Variants in PLEKHG5 observed in about 807,000 individuals in gnomAD.
PLEKHG5 encodes the protein pleckstrin homology and RhoGEF domain containing G5, also known as pleckstrin homology domain-containing family G member 5.
A neutral mutation model predicts 103.8 loss-of-function variants in PLEKHG5; 52 were observed. The ratio of observed to expected loss-of-function variants is 0.50; its 90% CI spans 0.40 to 0.63. PLEKHG5 has a LOEUF of 0.63. Among genes scored for constraint, PLEKHG5 ranks in the 30% least tolerant of loss-of-function variants. The pLI, the probability that PLEKHG5 is intolerant of heterozygous loss-of-function variation, is 0.00. For synonymous variants in PLEKHG5, 592 were observed against 575.5 expected (o/e 1.03, Z -0.41); for missense variants, 1,205 against 1,347.6 (o/e 0.89, Z 1.66).
At chr1:6,504,268 T>G (rs1638237157) in intron 1 of PLEKHG5, among the ~76,000 whole-genome samples, 1 of 151,944 alleles carries the variant, frequency 6.6e-6, no homozygotes, top group African/African-American at 2.4e-5. Context: ...CAACATCAGC[T>G]GCCACACTCC....
At position 6,473,385 on chromosome 1, in the gene PLEKHG5, G is replaced by A. The variant is rs1223323722; in HGVS notation, c.661C>T (p.Pro221Ser). The change falls in exon 8 of 21, where the codon CCC becomes TCC. Residue 221 changes from proline (P) to serine (S), a missense_variant. Pro to Ser is a moderately conservative substitution (Grantham distance 74). Coordinates refer to ENST00000377728, the MANE Select transcript of PLEKHG5 (RefSeq NM_020631.6). ...GEASIPGQEPPTPSSCSLPSG... is the reference protein window; with the variant it reads ...GEASIPGQEPSTPSSCSLPSG... ...GGCAGAGAGCAGCTGGAGGGCGTGG[G>A]GGGCTCCTGCCCGGGGATGCTCGCC... The A allele has an allele frequency of 1.9e-6, 3 of 1,547,358 alleles. No homozygotes were observed. The highest frequency in any genetic ancestry group is 2.6e-6 in the Non-Finnish European group (3 of 1,145,594).
intron 1 of PLEKHG5, among the ~76,000 whole-genome samples, chr1:6,483,637 C>T (rs977575484): frequency 6.6e-6 from 1 of 152,158 alleles, no homozygotes; most frequent in Non-Finnish European, 1.5e-5. Context: ...TGCACTCCAG[C>T]CTGGGCGACA....
intron 1 of PLEKHG5, chr1:6,485,452 G>A (rs1351589372): frequency 7.9e-7 from 1 of 1,261,582 alleles, no homozygotes; most frequent in African/African-American, 1.6e-5. Context: ...ATGGCGGCCG[G>A]AGGAAGCCGC....
At chr1:6,470,169 C>T (rs772046819) in intron 16 of PLEKHG5, 67 bp downstream of exon 16, 2 of 1,576,520 alleles carry the variant, frequency 1.3e-6, no homozygotes, top group Admixed American at 1.7e-5. Context: ...AGCTGAGAAC[C>T]AGTGACTGGG....
chr1:6,477,008 G>C, intron 2 of PLEKHG5, among the ~76,000 whole-genome samples: 1 of 152,266 alleles, frequency 6.6e-6, no homozygotes, highest in Non-Finnish European at 1.5e-5. Context: ...GAAAGGACTC[G>C]GGGGTTGGCA....
intron 1 of PLEKHG5, 54 bp from the exon 2 acceptor site, chr1:6,477,712 G>A (rs1644801254): frequency 3.1e-6 from 5 of 1,590,468 alleles, no homozygotes; most frequent in Admixed American, 1.7e-5. Flanking sequence ...CACATCCCTC[G>A]ACCCCGGCCC....
Position 6,469,143 on chromosome 1 carries a change from CTCCTCT to C in PLEKHG5, c.2142_2147del (p.Glu722_Glu723del), listed in dbSNP as rs1261434613. The C allele has an allele frequency of 6.9e-6, 11 of 1,603,220 alleles. No individual in the cohort carries two copies. The highest frequency in any genetic ancestry group is 8.5e-6 in the Non-Finnish European group (10 of 1,172,606). ...CGCCTTCCTCCTCCTCCTCCTCCTC[CTCCTCT>C]TCCTCCTCCTGCTCATCCTCCTCCT... On this transcript the variant is annotated inframe_deletion, in exon 19 of 21. Transcript: ENST00000377728.
chr1:6,497,204 A>G (rs1432335497), upstream of PLEKHG5: 3 of 864,288 alleles, frequency 3.5e-6, no homozygotes, highest in Non-Finnish European at 5.6e-6. The surrounding 1 kb of genome is among the most constrained non-coding windows in gnomAD (Gnocchi z 6.1). Context: ...AGCGGCCCGA[A>G]GCCCGGTCGG....
Position 6,468,181 on chromosome 1 carries a change from C to A in PLEKHG5, c.2655G>T (p.Leu885=). ...KSKSEASLLQ[L]LAGAGTHGTP... is the part of the protein sequence containing the mutation. ...TCCCATGGGTGCCAGCCCCTGCCAG[C>A]AGCTGGAGGAGGCTGGCCTCGGACT... Residue 885 remains leucine, a synonymous_variant, in exon 20 of 21, where the codon CTG becomes CTT. Transcript: ENST00000377728. The A allele has an allele frequency of 6.4e-7, 1 of 1,569,174 alleles. No individual in the cohort carries two copies. Among genetic ancestry groups the A allele is most frequent in the Non-Finnish European group, 8.7e-7 (1 of 1,155,846 alleles).
chr1:6,469,632 G>A lies in PLEKHG5; in HGVS notation c.1845C>T (p.Thr615=). The A allele has an allele frequency of 2.5e-6, 4 of 1,613,708 alleles. No individual in the cohort carries two copies. Among genetic ancestry groups the A allele is most frequent in the Non-Finnish European group, 3.4e-6 (4 of 1,180,010 alleles). Residue 615 remains threonine (T), a synonymous_variant, in exon 17 of 21, where the codon ACC becomes ACT. Coordinates refer to ENST00000377728, the MANE Select transcript of PLEKHG5 (RefSeq NM_020631.6). ...CFLFTDLLLV[T]KAVKKAERTR... is the part of the protein sequence containing the mutation. Reference sequence around the variant, plus strand: ...TCCTCTCTGCCTTCTTCACTGCTTTGGTCACCAACAGCAGATCCGTGAAGA... The same window carrying A: ...TCCTCTCTGCCTTCTTCACTGCTTTAGTCACCAACAGCAGATCCGTGAAGA...
chr1:6,480,883 C>T (rs1644881025), intron 1 of PLEKHG5, among the ~76,000 whole-genome samples: 1 of 152,030 alleles, frequency 6.6e-6, no homozygotes, highest in East Asian at 2.0e-4. Flanking sequence ...TCAACTGATC[C>T]GCCCGCCTCA....
At chr1:6,497,209 G>C (rs1020800010), upstream of PLEKHG5, 18 of 863,126 alleles carry the variant, frequency 2.1e-5, no homozygotes, top group Non-Finnish European at 2.6e-5. The surrounding 1 kb of genome is among the most constrained non-coding windows in gnomAD (Gnocchi z 6.1). Flanking sequence ...CCCGAAGCCC[G>C]GTCGGCGCCC....
Position 6,475,097 on chromosome 1 carries a change from A to G in PLEKHG5, c.252T>C (p.Asn84=). 6.2e-7 allele frequency: 1 copy of G among 1,612,260 alleles called. No homozygotes were observed. The highest frequency in any genetic ancestry group is 8.5e-7 in the Non-Finnish European group (1 of 1,178,432). The change falls in exon 5 of 21, where the codon AAT becomes AAC. Residue 84 remains asparagine (N), a synonymous_variant. Transcript: ENST00000377728. ...KECFTLKFDL[N]VDIETEIVPA... The stretch of plus-strand genomic sequence containing the variant: ...GGACGATCTCTGTCTCAATGTCCAC[A>G]TTCAGGTCAAATTTCAGAGTGAAGC...
At chr1:6,510,989 T>C (rs1638454380) in intron 1 of PLEKHG5, among the ~76,000 whole-genome samples, 1 of 152,006 alleles carries the variant, frequency 6.6e-6, no homozygotes, top group South Asian at 2.1e-4. Flanking sequence ...CTCAGGAGGC[T>C]GAGGCAGGAG....
At position 6,519,369 on chromosome 1, in the gene PLEKHG5, G is replaced by A. The variant is rs550613077; in HGVS notation, c.-165+76C>T. 7 of 1,157,222 alleles carry A rather than the reference G, an allele frequency of 6.0e-6. No individual in the cohort carries two copies. In the African/African-American group the frequency reaches 9.0e-5, roughly 15 times the overall value. 71.7% of individuals were successfully genotyped at this position (1,157,222 alleles called of 1,614,324 possible). ...AGTGTGAGTCCTTGGAGCCCTCCAA[G>A]ACCTGCAAAGCCCCTCCTTTCACTC... On this transcript the variant is annotated intron_variant, in intron 1 of 21. Transcript: ENST00000377740.
upstream of PLEKHG5, among the ~76,000 whole-genome samples, chr1:6,493,032 G>A (rs1645174068): frequency 6.6e-6 from 1 of 152,030 alleles, no homozygotes; most frequent in Admixed American, 6.5e-5. Flanking sequence ...TTGCCTCCAG[G>A]AAGCCCATCC....
intron 1 of PLEKHG5, among the ~76,000 whole-genome samples, chr1:6,509,963 T>G (rs2148636372): frequency 6.6e-6 from 1 of 152,294 alleles, no homozygotes; most frequent in Middle Eastern, 3.4e-3. Flanking sequence ...TGTGGCCTCT[T>G]GTGGACCCCA....
upstream of PLEKHG5, chr1:6,491,752 CAGGCCATTGTT>C: frequency 2.1e-6 from 2 of 942,430 alleles, no homozygotes; most frequent in Non-Finnish European, 1.3e-6. The surrounding 1 kb of genome is among the most constrained non-coding windows in gnomAD (Gnocchi z 4.1). Flanking sequence ...TGCCACCTCA[CAGGCCATTGTT>C]AAGCTGCAAG....
chr1:6,475,446 C>T lies in PLEKHG5; in HGVS notation c.210+16G>A. On this transcript the variant is annotated intron_variant, in intron 4 of 20. Coordinates refer to ENST00000377728, the MANE Select transcript of PLEKHG5 (RefSeq NM_020631.6). ...TGTAGGGAACCCGCATCTGCCGGCT[C>T]TGGGGGGCTCCTCACATCCGTGTGT... is the stretch of plus-strand genomic sequence containing the variant. 1 of 1,612,200 alleles carries T rather than the reference C, an allele frequency of 6.2e-7. No homozygotes were observed. Among genetic ancestry groups the T allele is most frequent in the Non-Finnish European group, 8.5e-7 (1 of 1,178,756 alleles).
Sources: allele counts gnomAD v4.1 joint callset (sites outside exome capture counted in the v4.1 genomes callset), GRCh38; gene constraint gnomAD v4.1.1; non-coding constraint Gnocchi (gnomAD v3.1); transcripts MANE v1.5; gene names NCBI Gene and HGNC (gene_info 2026-07-23, HGNC 2026-07-21).